Variants in NDUFAF1 observed in about 807,000 individuals in gnomAD.
NDUFAF1 encodes the protein complex I intermediate-associated protein 30, mitochondrial.
In NDUFAF1, 18 loss-of-function variants were observed where a neutral mutation model predicts 28.7. That is an observed-to-expected ratio of 0.63 (90% CI 0.43 to 0.93). The LOEUF is 0.93. Among genes scored for constraint, NDUFAF1 ranks in the 40% least tolerant of loss-of-function variants. The pLI, the probability that NDUFAF1 is intolerant of heterozygous loss-of-function variation, is 0.00. For missense variants in NDUFAF1, 404 were observed against 398.3 expected (o/e 1.01, Z -0.12); for synonymous variants, 113 against 139.7 (o/e 0.81, Z 1.35).
At chr15:41,391,798 T>C (rs2050320048) in intron 3 of NDUFAF1, among the ~76,000 whole-genome samples, 1 of 152,006 alleles carries the variant, frequency 6.6e-6, no homozygotes, top group African/African-American at 2.4e-5. Flanking sequence ...AGGAAAGGCC[T>C]CTCTGAGGCA....
chr15:41,391,122 T>C lies in NDUFAF1; in HGVS notation c.760-2600A>G, dbSNP rs1385902989. Among the ~76,000 whole-genome samples the C allele has an allele frequency of 2.6e-5, 4 of 152,054 alleles. No individual in the cohort carries two copies. In the East Asian group the frequency reaches 5.8e-4, roughly 22 times the overall value. On this transcript the variant is annotated intron_variant, in intron 3 of 4. Coordinates refer to ENST00000260361, the MANE Select transcript of NDUFAF1 (RefSeq NM_016013.4). ...TTCTGTACTTCCCAAATTGTTTTTATAATGAAGTAGTTATTTTGTATAATA... is the reference window on the plus strand; with the variant it reads ...TTCTGTACTTCCCAAATTGTTTTTACAATGAAGTAGTTATTTTGTATAATA...
At chr15:41,389,653 G>A (rs1368485274) in intron 3 of NDUFAF1, among the ~76,000 whole-genome samples, 3 of 152,044 alleles carry the variant, frequency 2.0e-5, no homozygotes, top group African/African-American at 7.2e-5. Flanking sequence ...CATCCTTGTA[G>A]TCCTGGCTAT....
At chr15:41,393,523 C>T (rs959791171) in intron 3 of NDUFAF1, among the ~76,000 whole-genome samples, 2 of 151,662 alleles carry the variant, frequency 1.3e-5, no homozygotes, top group African/African-American at 4.8e-5. Flanking sequence ...ATCTCCTGAC[C>T]TCGTGATCCA....
intron 1 of NDUFAF1, among the ~76,000 whole-genome samples, chr15:41,397,747 G>C (rs953882748): frequency 1.3e-5 from 2 of 149,478 alleles, no homozygotes; most frequent in Non-Finnish European, 3.0e-5. Flanking sequence ...TGCAGTGAGC[G>C]GAGATCCCGC....
intron 3 of NDUFAF1, among the ~76,000 whole-genome samples, chr15:41,389,223 T>C (rs905454930): frequency 6.6e-5 from 10 of 150,392 alleles, no homozygotes; most frequent in Admixed American, 5.3e-4. Flanking sequence ...GCTGGGACTA[T>C]AGGCGCACAC....
chr15:41,391,437 T>C (rs1258122171), intron 3 of NDUFAF1, among the ~76,000 whole-genome samples: 2 of 151,622 alleles, frequency 1.3e-5, no homozygotes, highest in African/African-American at 2.4e-5. Context: ...CCTGGCCAAC[T>C]TGGTGAATGA....
intron 3 of NDUFAF1, among the ~76,000 whole-genome samples, chr15:41,391,765 GT>G (rs1434321730): frequency 6.6e-6 from 1 of 152,078 alleles, no homozygotes; most frequent in Non-Finnish European, 1.5e-5. Flanking sequence ...GGATTAGAGG[GT>G]CCAACTTTAG....
chr15:41,398,803 A>G (rs1281501862), intron 1 of NDUFAF1, among the ~76,000 whole-genome samples: 1 of 151,696 alleles, frequency 6.6e-6, no homozygotes, highest in African/African-American at 2.4e-5. Flanking sequence ...AAAAATACAG[A>G]AATTAGTTGG....
chr15:41,388,452 T>G lies in NDUFAF1; in HGVS notation c.830A>C (p.Asp277Ala), dbSNP rs199654703. The G allele has an allele frequency of 6.2e-7, 1 of 1,608,642 alleles. No individual in the cohort carries two copies. Among genetic ancestry groups the G allele is most frequent in the Non-Finnish European group, 8.5e-7 (1 of 1,175,086 alleles). ...IRDVQHELPL[D>A]KISSIGFTLA... Reference sequence around the variant, plus strand: ...AAAAATACAGGAATATGTTACCTTATCAAGCGGAAGCTCATGCTGAACATC... The same window carrying G: ...AAAAATACAGGAATATGTTACCTTAGCAAGCGGAAGCTCATGCTGAACATC... The change falls in exon 4 of 5, where the codon GAT (aspartate) becomes GCT (alanine). Residue 277 changes from aspartate to alanine, a missense_variant. By Grantham distance (126) the Asp-to-Ala change is moderately radical (BLOSUM62 -2). Coordinates refer to ENST00000260361, the MANE Select transcript of NDUFAF1 (RefSeq NM_016013.4).
At chr15:41,393,684 G>A (rs1052944680) in intron 3 of NDUFAF1, among the ~76,000 whole-genome samples, 1 of 146,314 alleles carries the variant, frequency 6.8e-6, no homozygotes. Context: ...AGGTTCAAGC[G>A]ATTCTCCTGC....
chr15:41,387,372 T>A lies in NDUFAF1; in HGVS notation c.*72A>T. On this transcript the variant is annotated 3_prime_UTR_variant, in exon 5 of 5. Transcript: ENST00000260361. ...CATTGGTTGGATGCCATTAAAGAAA[T>A]ATTTTATTTTGTCTATATCATTGTA... 5 of 1,354,164 alleles carry A rather than the reference T, an allele frequency of 3.7e-6. No individual in the cohort carries two copies. Among genetic ancestry groups the A allele is most frequent in the Non-Finnish European group, 5.2e-6 (5 of 954,388 alleles). 83.9% of individuals were successfully genotyped at this position (1,354,164 alleles called of 1,614,324 possible).
intron 1 of NDUFAF1, among the ~76,000 whole-genome samples, chr15:41,398,426 G>C (rs1305627747): frequency 1.3e-5 from 2 of 150,130 alleles, no homozygotes; most frequent in South Asian, 2.1e-4. Context: ...AGGGATTGCA[G>C]TGAGCCGAGA....
intron 2 of NDUFAF1, among the ~76,000 whole-genome samples, chr15:41,395,623 G>A (rs2140920789): frequency 6.7e-6 from 1 of 149,588 alleles, no homozygotes; most frequent in East Asian, 2.0e-4. Context: ...GCCCACCTTG[G>A]CCACCCAAAG....
At chr15:41,394,430 T>C (rs1566823515) in intron 3 of NDUFAF1, 14 of 1,250,890 alleles carry the variant, frequency 1.1e-5, no homozygotes, top group Non-Finnish European at 1.2e-5. Context: ...AGAGCAGAGA[T>C]GTGCCTGTGA....
chr15:41,395,209 A>T (rs575375589), intron 2 of NDUFAF1, among the ~76,000 whole-genome samples, 165 bp from the exon 3 acceptor site: 1 of 152,178 alleles, frequency 6.6e-6, no homozygotes, highest in East Asian at 1.9e-4. Context: ...AGCACAAAAT[A>T]CTGACATAGT....
chr15:41,394,862 G>A lies in NDUFAF1; in HGVS notation c.756C>T (p.Val252=), dbSNP rs2050362353. 1.2e-6 allele frequency: 2 copies of A among 1,613,588 alleles called. No homozygotes were observed. The highest frequency in any genetic ancestry group is 2.7e-5 in the African/African-American group (2 of 74,816). ...CAATGAAGATTTATGCTGTTACCTT[G>A]ACCTCCTGCCAGTAGGGTCCCCCGC... The part of the protein sequence containing the change: ...FTRGGPYWQE[V]KIPFSKFFFS... The change falls in exon 3 of 5, where the codon GTC becomes GTT. Residue 252 remains valine (V), a synonymous_variant. Coordinates refer to ENST00000260361, the MANE Select transcript of NDUFAF1 (RefSeq NM_016013.4).
chr15:41,390,701 G>A (rs1449056445), intron 3 of NDUFAF1, among the ~76,000 whole-genome samples: 1 of 150,128 alleles, frequency 6.7e-6, no homozygotes, highest in Non-Finnish European at 1.5e-5. Flanking sequence ...CTCCAGCATG[G>A]GCAACAGAGC....
intron 3 of NDUFAF1, chr15:41,394,243 A>T: frequency 1.8e-6 from 1 of 565,820 alleles, no homozygotes; most frequent in Non-Finnish European, 3.0e-6. Flanking sequence ...CATGTTGGTC[A>T]GGCTGGTGTC....
In NDUFAF1 at chr15:41,396,596, C is replaced by T. The variant is rs1477501639; in HGVS notation, c.464G>A (p.Gly155Asp). ...TAGCAGTGCACTTTGGTTATTCTTGCCCATTTTCAAAAACACTTCACTTCT... is the reference window on the plus strand; with the variant it reads ...TAGCAGTGCACTTTGGTTATTCTTGTCCATTTTCAAAAACACTTCACTTCT... ...GGRSEVFLKM[G>D]KNNQSALLYG... The change falls in exon 2 of 5, where the codon GGC becomes GAC. Residue 155 changes from glycine (G) to aspartate (D), a missense_variant. Gly to Asp is a moderately conservative substitution (Grantham distance 94, BLOSUM62 -1). Coordinates refer to ENST00000260361, the MANE Select transcript of NDUFAF1 (RefSeq NM_016013.4). The T allele has an allele frequency of 6.2e-7, 1 of 1,613,944 alleles. No individual in the cohort carries two copies. Among genetic ancestry groups the T allele is most frequent in the African/African-American group, 1.3e-5 (1 of 74,878 alleles).
Sources: allele counts gnomAD v4.1 joint callset (sites outside exome capture counted in the v4.1 genomes callset), GRCh38; gene constraint gnomAD v4.1.1; transcripts MANE v1.5; gene names NCBI Gene and HGNC (gene_info 2026-07-23, HGNC 2026-07-21).